The following PDE7A variants were observed in gnomAD, a reference collection of about 807,000 sequenced individuals.
PDE7A encodes high affinity 3',5'-cyclic-AMP phosphodiesterase 7A.
In PDE7A, 39 loss-of-function variants were observed where a neutral mutation model predicts 64.3. The ratio of observed to expected loss-of-function variants is 0.61; its 90% confidence interval spans 0.47 to 0.79. The LOEUF is 0.79. PDE7A is among the 30% of genes least tolerant of loss of function. PDE7A has a pLI of 0.00. For synonymous variants in PDE7A, 203 were observed against 206.8 expected (o/e 0.98, Z 0.16); for missense variants, 470 against 582.8 (o/e 0.81, Z 1.99).
intron 7 of PDE7A, among the ~76,000 whole-genome samples, chr8:65,728,819 A>C (rs973354417): frequency 3.3e-5 from 5 of 152,214 alleles, no homozygotes. Context: ...TGATTTAAAA[A>C]ATTAATGTAT....
chr8:65,825,508 C>T (rs1375032996), intron 1 of PDE7A, among the ~76,000 whole-genome samples: 1 of 152,096 alleles, frequency 6.6e-6, no homozygotes, highest in Non-Finnish European at 1.5e-5. Context: ...ACTTTGGGCA[C>T]CTTACTTTTC....
chr8:65,748,091 C>T (rs1476985454), intron 3 of PDE7A, among the ~76,000 whole-genome samples: 6 of 147,642 alleles, frequency 4.1e-5, no homozygotes, highest in South Asian at 4.9e-4. Context: ...TTAATAATCA[C>T]GGTTTGTTTT....
chr8:65,720,428 G>A (rs1806326471), intron 12 of PDE7A: 1 of 154,102 alleles, frequency 6.5e-6, no homozygotes, highest in Non-Finnish European at 1.5e-5. Context: ...AAAAGACCAT[G>A]TGGACCACAG....
rs1179431555 is a variant in PDE7A at position 65,730,171 on chromosome 8, CTTTTTTTTTTT to C, written c.697-2881_697-2871del. On this transcript the variant is annotated intron_variant, in intron 7 of 12. Coordinates refer to ENST00000401827, the MANE Select transcript of PDE7A (RefSeq NM_001242318.3). Reference sequence around the variant, plus strand: ...TGTGAGGGATCCAGGTTGCGCACTTCTTTTTTTTTTTTTTTTTTTTTTTTTTGAGATGGAGT... The same window carrying C: ...TGTGAGGGATCCAGGTTGCGCACTTCTTTTTTTTTTTTTTTGAGATGGAGT... Among the ~76,000 whole-genome samples the C allele has an allele frequency of 1.0e-4, 9 of 86,450 alleles. 1 individual carries two copies. Among genetic ancestry groups the C allele is most frequent in the South Asian group, 4.7e-4 (1 of 2,108 alleles). The allele number at this position is 86,450 out of a possible 152,430, so 56.7% of individuals were successfully genotyped here.
At chr8:65,808,464 A>G (rs939267571) in intron 1 of PDE7A, among the ~76,000 whole-genome samples, 11 of 152,218 alleles carry the variant, frequency 7.2e-5, no homozygotes, top group African/African-American at 1.9e-4. Context: ...CACCGACATT[A>G]TAAGTTTTTT....
intron 1 of PDE7A, among the ~76,000 whole-genome samples, chr8:65,798,894 A>G (rs943181163): frequency 1.3e-5 from 2 of 152,252 alleles, no homozygotes; most frequent in African/African-American, 4.8e-5. Context: ...TCCATACAAC[A>G]GAATACTACT....
intron 1 of PDE7A, chr8:65,838,856 T>C (rs942961829): frequency 2.0e-5 from 3 of 152,318 alleles, no homozygotes; most frequent in African/African-American, 7.2e-5. Flanking sequence ...TGAAAACAAG[T>C]TGTGTCAGAA....
chr8:65,753,525 CT>C (rs1361276143), intron 3 of PDE7A, among the ~76,000 whole-genome samples: 3 of 152,178 alleles, frequency 2.0e-5, no homozygotes, highest in Non-Finnish European at 4.4e-5. Context: ...TCACCCACCC[CT>C]AAGCTTTAAA....
At chr8:65,841,228 G>A in intron 1 of PDE7A, 143 bp downstream of exon 1, 1 of 933,272 alleles carries the variant, frequency 1.1e-6, no homozygotes, top group African/African-American at 1.7e-5. Flanking sequence ...CAAAGAAAAG[G>A]CTCTGCAATC....
rs149118435 is a variant in PDE7A, at chr8:65,767,001, A to AAACAACAAC, written c.283+12710_283+12718dup. 2.7e-4 allele frequency among the ~76,000 whole-genome samples: 41 copies of AAACAACAAC among 150,974 alleles called. No homozygotes were observed. The East Asian group carries it at 5.6e-3, about 21-fold the overall frequency. ...TGTCAGAAATAAGTCTGCTCATTCA[A>AAACAACAAC]AACAACAACAACAACAACAACAACA... On this transcript the variant is annotated intron_variant, in intron 3 of 12. Coordinates refer to ENST00000401827, the MANE Select transcript of PDE7A (RefSeq NM_001242318.3).
At chr8:65,791,592 C>G (rs569112209) in intron 1 of PDE7A, among the ~76,000 whole-genome samples, 1 of 152,164 alleles carries the variant, frequency 6.6e-6, no homozygotes, top group Non-Finnish European at 1.5e-5. Context: ...TCATTTCTCA[C>G]GCTAGTTAAT....
chr8:65,797,887 G>A (rs920292855), intron 1 of PDE7A, among the ~76,000 whole-genome samples: 122 of 150,404 alleles, frequency 8.1e-4, no homozygotes, highest in African/African-American at 2.9e-3. Flanking sequence ...TAAACATAAA[G>A]ACTAAAATAA....
chr8:65,817,058 T>C (rs78889033), intron 1 of PDE7A, among the ~76,000 whole-genome samples: 7,696 of 152,328 alleles, frequency 0.051, 535 homozygotes, highest in African/African-American at 0.16. Flanking sequence ...CTGTTGTTCA[T>C]GGATTCATTT....
At chr8:65,826,035 G>A (rs1021439699) in intron 1 of PDE7A, among the ~76,000 whole-genome samples, 5 of 152,128 alleles carry the variant, frequency 3.3e-5, no homozygotes, top group African/African-American at 1.2e-4. Context: ...ATGACATGGA[G>A]CCATGGGAAG....
Position 65,714,541 on chromosome 8 carries a change from G to C in PDE7A, c.*4749C>G, listed in dbSNP as rs145026411. 4.5e-4 allele frequency: 68 copies of C among 152,168 alleles called. No individual in the cohort carries two copies. Among genetic ancestry groups the C allele is most frequent in the African/African-American group, 1.4e-3 (57 of 41,510 alleles). The allele number at this position is 152,168 out of a possible 1,614,324, so 9.4% of individuals were successfully genotyped here. The stretch of plus-strand genomic sequence containing the variant: ...AGCAAGGAACAAGCTGCTAATTCTT[G>C]CACAGACCTGTATTACTCCGTGTTT... On this transcript the variant is annotated 3_prime_UTR_variant, in exon 13 of 13. Transcript: ENST00000401827.
chr8:65,819,117 G>A (rs1810480195), intron 1 of PDE7A, among the ~76,000 whole-genome samples: 1 of 152,212 alleles, frequency 6.6e-6, no homozygotes, highest in Non-Finnish European at 1.5e-5. Flanking sequence ...TAATGTAAGG[G>A]TGGGTGTAAG....
In PDE7A at chr8:65,818,635, G is replaced by A. The variant is rs1427021178; in HGVS notation, c.138+22736C>T. ...TTCAGCCTGTTTTCAAGTTTGCTCT[G>A]AGTTGAACTTCCCAAAGAGAGAAAT... On this transcript the variant is annotated intron_variant, in intron 1 of 12. Coordinates refer to ENST00000401827, the MANE Select transcript of PDE7A (RefSeq NM_001242318.3). Among the ~76,000 whole-genome samples, 8 of 152,288 alleles carry A rather than the reference G, an allele frequency of 5.3e-5. 1 individual carries two copies. The East Asian group carries it at 1.5e-3, about 29-fold the overall frequency.
Position 65,841,976 on chromosome 8 carries a change from G to GCCGCCA in PDE7A, c.-469_-468insTGGCGG. Reference sequence around the variant, plus strand: ...GCGACCAGCTCGGGCCGCCGCCGCCGCCGCCGCCGCCGCCGCCGGAGTCCT... The same window carrying GCCGCCA: ...GCGACCAGCTCGGGCCGCCGCCGCCGCCGCCACCGCCGCCGCCGCCGCCGGAGTCCT... On this transcript the variant is annotated 5_prime_UTR_variant, in exon 1 of 13. Coordinates refer to ENST00000401827, the MANE Select transcript of PDE7A (RefSeq NM_001242318.3). 1 of 251,818 alleles carries GCCGCCA rather than the reference G, an allele frequency of 4.0e-6. No homozygotes were observed. Among genetic ancestry groups the GCCGCCA allele is most frequent in the Non-Finnish European group, 7.5e-6 (1 of 133,446 alleles). The allele number at this position is 251,818 out of a possible 1,614,324, so 15.6% of individuals were successfully genotyped here.
intron 1 of PDE7A, chr8:65,788,775 G>C: frequency 1.5e-6 from 1 of 686,888 alleles, no homozygotes; most frequent in Non-Finnish European, 2.5e-6. Context: ...CTTTTAATCA[G>C]AGAATAAAAA....
Sources: allele counts gnomAD v4.1 joint callset (sites outside exome capture counted in the v4.1 genomes callset), GRCh38; gene constraint gnomAD v4.1.1; transcripts MANE v1.5; gene names NCBI Gene and HGNC (gene_info 2026-07-23, HGNC 2026-07-21).